The following SAMD5 variants were observed in gnomAD, a reference collection of about 807,000 sequenced individuals.
SAMD5 encodes sterile alpha motif domain-containing protein 5.
SAMD5 carries 13 observed loss-of-function variants against 11.3 expected under a neutral mutation model. The observed-to-expected ratio is 1.15, with a 90% confidence interval of 0.75 to 1.83. The LOEUF is 1.83. Ranked by LOEUF, SAMD5 falls within the 40% of genes most tolerant of loss-of-function variation. The pLI is 0.00. For missense variants in SAMD5, 255 were observed against 239.1 expected, an observed-to-expected ratio of 1.07 and a Z score of -0.44; for synonymous variants, 129 against 111.3, an observed-to-expected ratio of 1.16 and a Z score of -1.00.
chr6:147,738,439 C>T (rs1407424100), downstream of SAMD5, among the ~76,000 whole-genome samples: 1 of 152,092 alleles, frequency 6.6e-6, no homozygotes, highest in East Asian at 1.9e-4. Flanking sequence ...CGCAGAAGTT[C>T]CTGGTGTGAA....
intron 1 of SAMD5, among the ~76,000 whole-genome samples, chr6:147,523,794 CCT>C (rs1235652611): frequency 1.3e-5 from 2 of 152,148 alleles, no homozygotes; most frequent in African/African-American, 4.8e-5. Flanking sequence ...CTGTTAATTA[CCT>C]GCACAGCTGG....
At chr6:147,891,232 A>T in the SAMD5 span, among the ~76,000 whole-genome samples, 1 of 152,366 alleles carries the variant, frequency 6.6e-6, no homozygotes, top group Admixed American at 6.5e-5. Flanking sequence ...TGCATAGTCT[A>T]CATAACTTCT....
At chr6:147,867,379 T>G in the SAMD5 span, among the ~76,000 whole-genome samples, 13 of 151,746 alleles carry the variant, frequency 8.6e-5, no homozygotes, top group African/African-American at 3.1e-4. Flanking sequence ...ATCTTCGGAC[T>G]TGGTGAAAAA....
chr6:147,933,184 G>A, the SAMD5 span, among the ~76,000 whole-genome samples: 1 of 152,138 alleles, frequency 6.6e-6, no homozygotes, highest in East Asian at 1.9e-4. Flanking sequence ...AGCTATGCTC[G>A]TGGTCCAACA....
rs929439909 is a variant in SAMD5, at chr6:147,563,396, G to GAAAAC, written c.460-984_460-980dup. On this transcript the variant is annotated intron_variant, in intron 1 of 1. Coordinates refer to ENST00000367474, the MANE Select transcript of SAMD5 (RefSeq NM_001030060.3). The stretch of plus-strand genomic sequence containing the variant: ...GAGAGGTTGCAGAGATAGAGACTAG[G>GAAAAC]AAAACAAAACAAAACAAAGGAGAAC... 5.9e-5 allele frequency among the ~76,000 whole-genome samples: 9 copies of GAAAAC among 152,220 alleles called. No homozygotes were observed. The South Asian group carries it at 1.7e-3, about 28-fold the overall frequency.
At chr6:147,582,057 AG>A (rs895604313) in intron 1 of SAMD5, among the ~76,000 whole-genome samples, 23 of 152,044 alleles carry the variant, frequency 1.5e-4, no homozygotes, top group African/African-American at 5.3e-4. Context: ...GATGACTTTC[AG>A]TTTAAGATGG....
At chr6:147,700,730 T>C (rs977868324) in intron 1 of SAMD5, among the ~76,000 whole-genome samples, 5 of 152,248 alleles carry the variant, frequency 3.3e-5, no homozygotes, top group Admixed American at 6.5e-5. Flanking sequence ...GCTTTAGCCG[T>C]ATTATTTTAC....
At chr6:147,575,111 C>A (rs1462898365) in intron 1 of SAMD5, among the ~76,000 whole-genome samples, 1 of 152,168 alleles carries the variant, frequency 6.6e-6, no homozygotes, top group Non-Finnish European at 1.5e-5. Context: ...ACATACATAA[C>A]AATGAAAGCA....
chr6:147,853,477 C>T, the SAMD5 span, among the ~76,000 whole-genome samples: 2 of 151,860 alleles, frequency 1.3e-5, no homozygotes, highest in Non-Finnish European at 2.9e-5. Flanking sequence ...AGGTTATATT[C>T]CTGATCAGAT....
chr6:147,695,354 C>T lies in SAMD5; in HGVS notation c.163-41963C>T, dbSNP rs17077249. Among the ~76,000 whole-genome samples the T allele has an allele frequency of 6.3e-3, 953 of 151,962 alleles. 13 individuals carry two copies. The highest frequency in any genetic ancestry group is 0.022 in the African/African-American group (894 of 41,430). ...ATAAAACCCTCTAAAAATCAAAAGC[C>T]TTCGTTACGCTTAGGCCAACCGTGC... On this transcript the variant is annotated intron_variant, in intron 1 of 1. Coordinates refer to the SAMD5 transcript ENST00000566741.
At chr6:147,793,342 A>C in the SAMD5 span, among the ~76,000 whole-genome samples, 1 of 152,230 alleles carries the variant, frequency 6.6e-6, no homozygotes, top group Non-Finnish European at 1.5e-5. Context: ...TGTCAAGGTC[A>C]TTATAAGCAA....
At chr6:147,657,387 T>C (rs1367271930) in intron 1 of SAMD5, among the ~76,000 whole-genome samples, 1 of 152,122 alleles carries the variant, frequency 6.6e-6, no homozygotes, top group Non-Finnish European at 1.5e-5. Context: ...GTAGAGAGCT[T>C]GGTCTATGTA....
At chr6:147,938,618 G>A in the SAMD5 span, among the ~76,000 whole-genome samples, 4 of 152,292 alleles carry the variant, frequency 2.6e-5, no homozygotes, top group Non-Finnish European at 4.4e-5. Flanking sequence ...TTAAAATATA[G>A]GACTATGTTT....
At chr6:147,620,781 C>T (rs1207829105) in intron 1 of SAMD5, among the ~76,000 whole-genome samples, 4 of 152,120 alleles carry the variant, frequency 2.6e-5, no homozygotes, top group Admixed American at 2.6e-4. Flanking sequence ...GCTTCATGTC[C>T]TATGTGTGTC....
At chr6:147,590,762 G>T (rs1337947663) in intron 1 of SAMD5, among the ~76,000 whole-genome samples, 1 of 152,062 alleles carries the variant, frequency 6.6e-6, no homozygotes, top group African/African-American at 2.4e-5. Context: ...CTTCTTTATT[G>T]GAAATAATAC....
At chr6:147,900,942 T>C in the SAMD5 span, among the ~76,000 whole-genome samples, 1 of 152,232 alleles carries the variant, frequency 6.6e-6, no homozygotes, top group African/African-American at 2.4e-5. Context: ...TTTATTTGAA[T>C]ACTTAGGTAG....
At chr6:147,678,948 T>C (rs1410277889) in intron 1 of SAMD5, among the ~76,000 whole-genome samples, 3 of 152,170 alleles carry the variant, frequency 2.0e-5, no homozygotes, top group Admixed American at 6.5e-5. Flanking sequence ...TTGTTGTATG[T>C]CTCAATAGTT....
the SAMD5 span, among the ~76,000 whole-genome samples, chr6:147,905,354 G>A: frequency 1.5e-3 from 227 of 151,858 alleles, 1 homozygote; most frequent in African/African-American, 5.1e-3. Flanking sequence ...GCTATTTTTT[G>A]TATTTATAGT....
intron 1 of SAMD5, among the ~76,000 whole-genome samples, chr6:147,693,550 G>A (rs1326815479): frequency 6.6e-6 from 1 of 152,228 alleles, no homozygotes; most frequent in Admixed American, 6.5e-5. Flanking sequence ...ATTTATAACA[G>A]GGAATAATGA....
Sources: gnomAD v4.1 joint callset for allele counts (sites outside exome capture counted in the v4.1 genomes callset) on GRCh38, gnomAD v4.1.1 for gene constraint, MANE v1.5 for transcripts, NCBI Gene and HGNC (gene_info 2026-07-23, HGNC 2026-07-21) for gene names.